Variants in AOPEP observed in about 807,000 individuals in gnomAD.
AOPEP encodes the protein aminopeptidase O (putative), also known as aminopeptidase O.
In AOPEP, 77 loss-of-function variants were observed where a neutral mutation model predicts 98.1. That is an observed-to-expected ratio of 0.78 (90% confidence interval 0.65 to 0.95). AOPEP has a LOEUF of 0.95. Among genes scored for constraint, AOPEP ranks in the 40% least tolerant of loss-of-function variants. The pLI is 0.00. For missense variants in AOPEP, 1,024 were observed against 1,024.7 expected (o/e 1.00, Z 0.01); for synonymous variants, 346 against 365.3 (o/e 0.95, Z 0.60).
chr9:94,914,611 G>A (rs890511336), intron 5 of AOPEP, among the ~76,000 whole-genome samples: 2 of 151,696 alleles, frequency 1.3e-5, no homozygotes, highest in Admixed American at 1.3e-4. Context: ...TGGGCCTAGT[G>A]TGGCCACATC....
At chr9:94,914,523 CGTGTGTGTGTGT>C (rs67826706) in intron 5 of AOPEP, among the ~76,000 whole-genome samples, 4 of 143,606 alleles carry the variant, frequency 2.8e-5, no homozygotes, top group African/African-American at 5.2e-5. Context: ...TGGCATTAGA[CGTGTGTGTGTGT>C]GTGTGTGTGT....
At chr9:94,914,809 G>A (rs1176874242) in intron 5 of AOPEP, among the ~76,000 whole-genome samples, 10 of 152,202 alleles carry the variant, frequency 6.6e-5, no homozygotes. Context: ...CAGAAATGCA[G>A]GTTCCTAGGC....
intron 11 of AOPEP, among the ~76,000 whole-genome samples, chr9:94,999,447 T>C (rs2061427788): frequency 6.6e-6 from 1 of 152,184 alleles, no homozygotes. Context: ...AAAAGCTGCC[T>C]AAGTCCGACT....
intron 14 of AOPEP, among the ~76,000 whole-genome samples, chr9:95,077,649 C>G (rs564331550): frequency 1.3e-5 from 2 of 152,180 alleles, no homozygotes; most frequent in Non-Finnish European, 2.9e-5. Context: ...CGTAGGGCTT[C>G]CCTGCTTTCT....
intron 13 of AOPEP, among the ~76,000 whole-genome samples, chr9:95,023,849 AG>A (rs1440634884): frequency 5.3e-5 from 8 of 152,224 alleles, no homozygotes; most frequent in African/African-American, 1.9e-4. Context: ...CCCAGCTATG[AG>A]TAATGGGTTA....
intron 1 of AOPEP, among the ~76,000 whole-genome samples, chr9:94,732,260 T>TTA (rs397831439): frequency 2.6e-5 from 4 of 151,760 alleles, no homozygotes; most frequent in East Asian, 1.9e-4. Flanking sequence ...TTTTTTTTTT[T>TTA]ACCTTATCTT....
At chr9:94,989,173 C>T (rs2060710942) in intron 11 of AOPEP, among the ~76,000 whole-genome samples, 1 of 152,056 alleles carries the variant, frequency 6.6e-6, no homozygotes, top group Non-Finnish European at 1.5e-5. Context: ...ATGATCTCTG[C>T]TCACTGCAAG....
At chr9:95,064,369 A>C in intron 14 of AOPEP, among the ~76,000 whole-genome samples, 1 of 152,174 alleles carries the variant, frequency 6.6e-6, no homozygotes, top group East Asian at 1.9e-4. Context: ...ATCTTGGCTC[A>C]CTGCAACCTC....
intron 5 of AOPEP, among the ~76,000 whole-genome samples, chr9:94,922,174 A>G (rs1307279208): frequency 6.6e-6 from 1 of 152,158 alleles, no homozygotes; most frequent in African/African-American, 2.4e-5. Context: ...AGACTTTTAT[A>G]TTTGCATAAA....
intron 1 of AOPEP, among the ~76,000 whole-genome samples, chr9:94,747,214 A>G (rs1158945486): frequency 6.6e-6 from 1 of 152,218 alleles, no homozygotes; most frequent in Non-Finnish European, 1.5e-5. Context: ...AGTTTGGCTT[A>G]AAGATTGGTC....
At chr9:95,047,173 C>G (rs1646478485) in intron 13 of AOPEP, among the ~76,000 whole-genome samples, 1 of 152,188 alleles carries the variant, frequency 6.6e-6, no homozygotes, top group Non-Finnish European at 1.5e-5. Context: ...GAAAGCCATA[C>G]TTACCTGAAG....
chr9:94,913,774 A>G (rs2052417508), intron 5 of AOPEP, among the ~76,000 whole-genome samples: 1 of 152,226 alleles, frequency 6.6e-6, no homozygotes, highest in African/African-American at 2.4e-5. Context: ...CATTCGTTTA[A>G]TTCATGAATT....
At chr9:95,121,546 A>G in the AOPEP span, among the ~76,000 whole-genome samples, 1 of 152,232 alleles carries the variant, frequency 6.6e-6, no homozygotes, top group Non-Finnish European at 1.5e-5. Flanking sequence ...TGTCCAGAGC[A>G]ACATTGTTTG....
Position 94,931,115 on chromosome 9 carries a change from T to C in AOPEP, c.1661+2584T>C, listed in dbSNP as rs1024156299. On this transcript the variant is annotated intron_variant, in intron 7 of 16. Coordinates refer to ENST00000375315, the MANE Select transcript of AOPEP (RefSeq NM_001193329.3). ...GTTTTGGTGAACTGTGTTTCCAACT[T>C]GTAAGCAAGTTAGACTGCACCCTGG... 5.3e-5 allele frequency among the ~76,000 whole-genome samples: 8 copies of C among 152,248 alleles called. No individual in the cohort carries two copies. The East Asian group carries it at 7.7e-4, about 15-fold the overall frequency.
chr9:94,886,186 G>GCCTT (rs2048221166), intron 5 of AOPEP, among the ~76,000 whole-genome samples: 1 of 150,852 alleles, frequency 6.6e-6, no homozygotes, highest in Admixed American at 6.6e-5. Context: ...CAAAGGAGAA[G>GCCTT]CAGAAGCCAG....
At chr9:94,920,646 G>A (rs1194836048) in intron 5 of AOPEP, among the ~76,000 whole-genome samples, 1 of 152,172 alleles carries the variant, frequency 6.6e-6, no homozygotes. Flanking sequence ...AATTCCTCCC[G>A]AAGGATGGGA....
chr9:94,902,554 A>G (rs1325854024), intron 5 of AOPEP, among the ~76,000 whole-genome samples: 1 of 152,234 alleles, frequency 6.6e-6, no homozygotes, highest in African/African-American at 2.4e-5. Flanking sequence ...CCAAGACATT[A>G]GTACTAGTGA....
intron 1 of AOPEP, among the ~76,000 whole-genome samples, chr9:94,755,515 T>G (rs115018578): frequency 1.2e-3 from 190 of 152,308 alleles, no homozygotes; most frequent in African/African-American, 4.3e-3. Context: ...TAATTTAGGT[T>G]GGAAATCATG....
chr9:94,831,997 C>G (rs190216388), intron 5 of AOPEP, among the ~76,000 whole-genome samples: 10 of 152,182 alleles, frequency 6.6e-5, no homozygotes, highest in Admixed American at 2.6e-4. Context: ...AGGTGATGAT[C>G]ATTAAAAATG....
Sources: allele counts gnomAD v4.1 joint callset (sites outside exome capture counted in the v4.1 genomes callset), GRCh38; gene constraint gnomAD v4.1.1; transcripts MANE v1.5; gene names NCBI Gene and HGNC (gene_info 2026-07-23, HGNC 2026-07-21).